The following KHDRBS2 variants were observed in gnomAD, a reference collection of about 807,000 sequenced individuals.
KHDRBS2 encodes the protein KH RNA binding domain containing, signal transduction associated 2.
In KHDRBS2, 26 loss-of-function variants were observed where a neutral mutation model predicts 44.3. The ratio of observed to expected loss-of-function variants is 0.59; its 90% CI spans 0.43 to 0.81. The LOEUF is 0.81. Among genes scored for constraint, KHDRBS2 ranks in the 40% least tolerant of loss-of-function variants. The probability of loss-of-function intolerance (pLI) is 0.00; values close to 1 mark genes in which losing one functional copy is unlikely to be tolerated. For synonymous variants in KHDRBS2, 194 were observed against 151.1 expected, an observed-to-expected ratio of 1.28 and a Z score of -2.08; for missense variants, 476 against 433.1, an observed-to-expected ratio of 1.10 and a Z score of -0.88.
rs184935886 is a variant in KHDRBS2, at chr6:62,068,941, T to A, written c.220-20947A>T. Among the ~76,000 whole-genome samples, 219 of 151,840 alleles carry A rather than the reference T, an allele frequency of 1.4e-3. 1 individual carries two copies. Among genetic ancestry groups the A allele is most frequent in the African/African-American group, 4.9e-3 (205 of 41,516 alleles). On this transcript the variant is annotated intron_variant, in intron 2 of 8. Transcript: ENST00000281156. The stretch of plus-strand genomic sequence containing the variant: ...AAATTAACTGTTTGAGTTCTTTAAA[T>A]TTCTTTTTCATTTTCATGATTGTTT...
At chr6:61,755,978 T>A (rs1489153570) in intron 6 of KHDRBS2, among the ~76,000 whole-genome samples, 1 of 152,120 alleles carries the variant, frequency 6.6e-6, no homozygotes, top group Non-Finnish European at 1.5e-5. Context: ...TTAAGCAACA[T>A]CTTCCAGTTC....
the KHDRBS2 span, among the ~76,000 whole-genome samples, chr6:61,582,593 G>A: frequency 6.6e-6 from 1 of 151,534 alleles, no homozygotes; most frequent in Admixed American, 6.6e-5. Context: ...ACTTAAAAAA[G>A]ATGGGAAAAC....
At chr6:61,800,805 T>G (rs540990994) in intron 6 of KHDRBS2, among the ~76,000 whole-genome samples, 6 of 152,122 alleles carry the variant, frequency 3.9e-5, no homozygotes, top group Admixed American at 1.3e-4. Flanking sequence ...TCCTCTCTTT[T>G]TAGGATTGGG....
At chr6:61,815,073 T>C (rs1178307405) in intron 6 of KHDRBS2, among the ~76,000 whole-genome samples, 1 of 152,106 alleles carries the variant, frequency 6.6e-6, no homozygotes, top group Admixed American at 6.6e-5. Context: ...CTGTACATGT[T>C]TAGTACAGGC....
chr6:61,807,983 A>G (rs1172731267), intron 6 of KHDRBS2, among the ~76,000 whole-genome samples: 2 of 152,092 alleles, frequency 1.3e-5, no homozygotes, highest in Admixed American at 1.3e-4. Context: ...GAGAGATCTG[A>G]AGAACAAATT....
At chr6:61,696,237 T>TTTTTTTTATTTATTTA (rs1554162476) in intron 8 of KHDRBS2, among the ~76,000 whole-genome samples, 41 of 146,050 alleles carry the variant, frequency 2.8e-4, no homozygotes, top group African/African-American at 7.3e-4. Context: ...CATATATGTA[T>TTTTTTTTATTTATTTA]TTTATTTATT....
chr6:61,758,047 CT>C (rs1447091747), intron 6 of KHDRBS2, among the ~76,000 whole-genome samples: 3 of 152,138 alleles, frequency 2.0e-5, no homozygotes, highest in African/African-American at 7.2e-5. Flanking sequence ...GTCTAGTACT[CT>C]TACAATTTTT....
At chr6:62,076,466 T>A (rs1411084317) in intron 2 of KHDRBS2, among the ~76,000 whole-genome samples, 1 of 152,044 alleles carries the variant, frequency 6.6e-6, no homozygotes, top group Non-Finnish European at 1.5e-5. Flanking sequence ...GTTCATTAAG[T>A]GGCTCTGTAA....
At chr6:61,948,105 T>A (rs369832081) in intron 4 of KHDRBS2, among the ~76,000 whole-genome samples, 2 of 151,998 alleles carry the variant, frequency 1.3e-5, no homozygotes, top group Non-Finnish European at 2.9e-5. Flanking sequence ...CCTGGCATTT[T>A]AAATTTTATA....
intron 2 of KHDRBS2, among the ~76,000 whole-genome samples, chr6:62,172,454 A>G (rs984776610): frequency 2.0e-5 from 3 of 152,084 alleles, no homozygotes; most frequent in African/African-American, 7.2e-5. Flanking sequence ...GAGGCCTACA[A>G]AGAAACCTAG....
chr6:62,105,462 A>T (rs999937736), intron 2 of KHDRBS2, among the ~76,000 whole-genome samples: 26 of 152,138 alleles, frequency 1.7e-4, no homozygotes, highest in Non-Finnish European at 2.8e-4. Context: ...AGAGCCTGTT[A>T]TTGGTCTATT....
chr6:61,564,028 G>T, the KHDRBS2 span, among the ~76,000 whole-genome samples: 2 of 152,056 alleles, frequency 1.3e-5, no homozygotes, highest in Non-Finnish European at 2.9e-5. Flanking sequence ...TGGTCAAGAA[G>T]AAGGATTTTG....
chr6:62,008,222 T>C (rs1247095416), intron 3 of KHDRBS2, among the ~76,000 whole-genome samples: 1 of 152,172 alleles, frequency 6.6e-6, no homozygotes, highest in Non-Finnish European at 1.5e-5. Flanking sequence ...CCTGCCTCAG[T>C]ACGGTATTTT....
chr6:61,910,842 A>G (rs891924851), intron 4 of KHDRBS2, among the ~76,000 whole-genome samples: 12 of 152,220 alleles, frequency 7.9e-5, no homozygotes, highest in Non-Finnish European at 7.4e-5. Flanking sequence ...AACAAGTTCC[A>G]TTTGTCTAGG....
At position 61,849,128 on chromosome 6, in the gene KHDRBS2, A is replaced by T. The variant is rs138592591; in HGVS notation, c.810+45507T>A. Among the ~76,000 whole-genome samples the T allele has an allele frequency of 2.8e-3, 427 of 152,216 alleles. 3 individuals carry two copies. Among genetic ancestry groups the T allele is most frequent in the African/African-American group, 9.9e-3 (413 of 41,568 alleles). On this transcript the variant is annotated intron_variant, in intron 6 of 8. Transcript: ENST00000281156. ...ATGCTAATATTTCCTGCCTAGTGGA[A>T]CAGATAACCACAAAGATTGATAGCT... is the stretch of plus-strand genomic sequence containing the variant.
At chr6:62,165,030 G>T (rs1301918240) in intron 2 of KHDRBS2, among the ~76,000 whole-genome samples, 2 of 151,750 alleles carry the variant, frequency 1.3e-5, no homozygotes, top group South Asian at 2.1e-4. Context: ...TTTCTGTCAT[G>T]TGTTTCAAAT....
chr6:61,882,413 G>T (rs1437407259), intron 6 of KHDRBS2, among the ~76,000 whole-genome samples: 1 of 151,878 alleles, frequency 6.6e-6, no homozygotes, highest in African/African-American at 2.4e-5. Context: ...AAAATAAAAA[G>T]CCCATCAGGA....
intron 7 of KHDRBS2, among the ~76,000 whole-genome samples, chr6:61,704,410 T>C (rs75457723): frequency 0.016 from 2,446 of 151,884 alleles, 29 homozygotes; most frequent in Non-Finnish European, 0.025. Context: ...AGGAATTTCC[T>C]GGGTAAGATG....
chr6:61,759,249 C>A (rs890822798), intron 6 of KHDRBS2, among the ~76,000 whole-genome samples: 2 of 152,046 alleles, frequency 1.3e-5, no homozygotes, highest in Non-Finnish European at 2.9e-5. Flanking sequence ...AGATACTGAT[C>A]CATGACTCAT....
Sources: gnomAD v4.1 joint callset for allele counts (sites outside exome capture counted in the v4.1 genomes callset) on GRCh38, gnomAD v4.1.1 for gene constraint, MANE v1.5 for transcripts, NCBI Gene and HGNC (gene_info 2026-07-23, HGNC 2026-07-21) for gene names.